BMAL1: variants seen among roughly 807,000 people sequenced by gnomAD.
The protein encoded by BMAL1 is basic helix-loop-helix ARNT-like protein 1.
the BMAL1 span, among the ~76,000 whole-genome samples, chr11:13,361,277 G>A: frequency 6.6e-6 from 1 of 152,286 alleles, no homozygotes; most frequent in South Asian, 2.1e-4. Context: ...AATTAGGTCG[G>A]CACAAAGCTC....
the BMAL1 span, among the ~76,000 whole-genome samples, chr11:13,294,638 G>A: frequency 1.3e-5 from 2 of 152,198 alleles, no homozygotes; most frequent in Admixed American, 6.5e-5. Flanking sequence ...GGCTTATAAT[G>A]TGTTAGGAAA....
chr11:13,280,917 A>G, the BMAL1 span, among the ~76,000 whole-genome samples: 1 of 152,174 alleles, frequency 6.6e-6, no homozygotes. Flanking sequence ...CACCATGGGC[A>G]AGTGCCTGGG....
the BMAL1 span, chr11:13,385,822 A>C: frequency 5.9e-6 from 9 of 1,520,798 alleles, no homozygotes; most frequent in Admixed American, 1.7e-5. Context: ...TTTCCATTGC[A>C]ATGAGCTTGC....
At chr11:13,376,554 G>A in the BMAL1 span, 2 of 1,264,638 alleles carry the variant, frequency 1.6e-6, no homozygotes, top group South Asian at 2.4e-5. Context: ...GGTCCAGAGT[G>A]GACACCGGAC....
the BMAL1 span, among the ~76,000 whole-genome samples, chr11:13,294,833 C>T: frequency 3.9e-5 from 6 of 152,194 alleles, no homozygotes; most frequent in East Asian, 1.9e-4. Context: ...TTGGCTCTCT[C>T]GGGCCCCTGC....
At chr11:13,378,382 G>A in the BMAL1 span, 1 of 1,613,218 alleles carries the variant, frequency 6.2e-7, no homozygotes, top group Non-Finnish European at 8.5e-7. Context: ...ATTCCAGGGG[G>A]AACCCGGGCT....
chr11:13,354,213 A>AC, the BMAL1 span: 1 of 268,404 alleles, frequency 3.7e-6, no homozygotes, highest in Non-Finnish European at 5.7e-6. Context: ...CCCCACCACC[A>AC]AACCCCCAAG....
the BMAL1 span, among the ~76,000 whole-genome samples, chr11:13,337,204 G>A: frequency 6.6e-6 from 1 of 152,106 alleles, no homozygotes; most frequent in East Asian, 1.9e-4. Flanking sequence ...ATGGAAAATT[G>A]AGAAATTATA....
At chr11:13,337,265 C>T in the BMAL1 span, among the ~76,000 whole-genome samples, 2 of 152,090 alleles carry the variant, frequency 1.3e-5, no homozygotes, top group African/African-American at 4.8e-5. Flanking sequence ...TCTTAATATT[C>T]TGGTGAATTT....
At chr11:13,325,732 C>G in the BMAL1 span, among the ~76,000 whole-genome samples, 78 of 150,646 alleles carry the variant, frequency 5.2e-4, 1 homozygote, top group Middle Eastern at 3.5e-3. Context: ...ATTCAACCCT[C>G]TCCAAATTTT....
chr11:13,369,513 TA>T, the BMAL1 span: 5 of 1,345,444 alleles, frequency 3.7e-6, no homozygotes, highest in African/African-American at 5.9e-5. Context: ...GTCATCATTA[TA>T]AAACAGTGAG....
chr11:13,318,993 C>T, the BMAL1 span, among the ~76,000 whole-genome samples: 2 of 152,152 alleles, frequency 1.3e-5, no homozygotes, highest in Non-Finnish European at 2.9e-5. Flanking sequence ...GAGTTTGCTT[C>T]TTATACTCCT....
chr11:13,362,800 A>G, the BMAL1 span, among the ~76,000 whole-genome samples: 43 of 152,254 alleles, frequency 2.8e-4, no homozygotes, highest in Middle Eastern at 0.02. Flanking sequence ...TGACCTCTGC[A>G]GTTTCACAAG....
At chr11:13,318,403 A>G in the BMAL1 span, among the ~76,000 whole-genome samples, 1 of 152,166 alleles carries the variant, frequency 6.6e-6, no homozygotes, top group African/African-American at 2.4e-5. Context: ...GTGTTCAGCA[A>G]GGCTTATATA....
the BMAL1 span, among the ~76,000 whole-genome samples, chr11:13,338,063 CTGAG>C: frequency 6.6e-6 from 1 of 152,150 alleles, no homozygotes; most frequent in South Asian, 2.1e-4. Flanking sequence ...GATTCCTGCA[CTGAG>C]TATTTTCTCA....
At chr11:13,351,780 C>T in the BMAL1 span, among the ~76,000 whole-genome samples, 8 of 152,110 alleles carry the variant, frequency 5.3e-5, no homozygotes, top group African/African-American at 1.9e-4. Context: ...AGAGAACTGG[C>T]CATTGGATCT....
chr11:13,358,393 G>C, the BMAL1 span: 1 of 1,465,970 alleles, frequency 6.8e-7, no homozygotes, highest in East Asian at 2.5e-5. Flanking sequence ...TTGATGCTTG[G>C]TTACATTTTA....
chr11:13,281,520 A>T, the BMAL1 span, among the ~76,000 whole-genome samples: 1 of 151,646 alleles, frequency 6.6e-6, no homozygotes, highest in Admixed American at 6.6e-5. Context: ...CCTTTGCAGT[A>T]TTTCTTTTAT....
the BMAL1 span, among the ~76,000 whole-genome samples, chr11:13,288,582 G>A: frequency 6.6e-6 from 1 of 151,902 alleles, no homozygotes; most frequent in South Asian, 2.1e-4. Context: ...GTCAGAGACT[G>A]CTAGGCAATG....
Sources: gnomAD v4.1 joint callset for allele counts (sites outside exome capture counted in the v4.1 genomes callset) on GRCh38, gnomAD v4.1.1 for gene constraint, MANE v1.5 for transcripts, NCBI Gene and HGNC (gene_info 2026-07-23, HGNC 2026-07-21) for gene names.